PAPPA2: variants seen among roughly 807,000 people sequenced by gnomAD.
PAPPA2 encodes pappalysin-2.
Under a neutral mutation model 176.4 loss-of-function variants are expected in PAPPA2, and 86 were observed. The observed-to-expected ratio is 0.49, with a 90% CI of 0.41 to 0.58. PAPPA2 has a LOEUF of 0.58. Ranked by LOEUF, PAPPA2 falls within the 20% of genes least tolerant of loss-of-function variation. PAPPA2 has a pLI of 0.00. For missense variants in PAPPA2, 2,073 were observed against 2,256.9 expected, an observed-to-expected ratio of 0.92 and a Z score of 1.65; for synonymous variants, 809 against 852.2, an observed-to-expected ratio of 0.95 and a Z score of 0.88.
chr1:176,738,333 G>A (rs1035795714), intron 12 of PAPPA2, among the ~76,000 whole-genome samples: 8 of 152,062 alleles, frequency 5.3e-5, no homozygotes, highest in East Asian at 1.9e-4. Flanking sequence ...AAAGAAGGGA[G>A]AGCCGTGCTG....
intron 1 of PAPPA2, among the ~76,000 whole-genome samples, chr1:176,464,246 A>G (rs1651511860): frequency 6.6e-6 from 1 of 152,128 alleles, no homozygotes; most frequent in African/African-American, 2.4e-5. Context: ...TAAAAATTTA[A>G]CCTCTAGGAG....
chr1:176,487,936 G>A (rs1026620620), intron 1 of PAPPA2, among the ~76,000 whole-genome samples: 2 of 152,164 alleles, frequency 1.3e-5, no homozygotes, highest in Non-Finnish European at 2.9e-5. Flanking sequence ...AAACAACGAG[G>A]TTGATGTGGA....
intron 3 of PAPPA2, among the ~76,000 whole-genome samples, chr1:176,632,518 A>G (rs1656404712): frequency 6.6e-6 from 1 of 151,922 alleles, no homozygotes; most frequent in African/African-American, 2.4e-5. Flanking sequence ...GACAGAGAGA[A>G]ACTCCGTCTC....
intron 21 of PAPPA2, among the ~76,000 whole-genome samples, chr1:176,834,813 T>C (rs927652070): frequency 3.3e-5 from 5 of 152,024 alleles, no homozygotes; most frequent in African/African-American, 4.8e-5. Context: ...CTACTAGAAA[T>C]ACAAAAAATT....
At chr1:176,551,645 T>C (rs1010782595) in intron 1 of PAPPA2, among the ~76,000 whole-genome samples, 3 of 152,176 alleles carry the variant, frequency 2.0e-5, no homozygotes, top group African/African-American at 7.2e-5. Flanking sequence ...CCAGCCCCAC[T>C]ATGGGAGTAA....
intron 21 of PAPPA2, among the ~76,000 whole-genome samples, chr1:176,807,462 C>G (rs906777315): frequency 1.3e-5 from 2 of 151,682 alleles, no homozygotes; most frequent in East Asian, 3.9e-4. Context: ...TAAGAGCTAC[C>G]TGCCTGCCAA....
intron 17 of PAPPA2, among the ~76,000 whole-genome samples, chr1:176,773,096 C>T (rs1478048080): frequency 6.6e-6 from 1 of 152,136 alleles, no homozygotes; most frequent in Non-Finnish European, 1.5e-5. Flanking sequence ...TTTGTGGACA[C>T]AGCTTTTCTG....
chr1:176,652,663 G>A (rs1159321183), intron 3 of PAPPA2, among the ~76,000 whole-genome samples: 3 of 151,720 alleles, frequency 2.0e-5, no homozygotes, highest in Non-Finnish European at 3.0e-5. Context: ...GTCTCTGGCT[G>A]TTCTCAGGGA....
At chr1:176,630,496 C>T (rs1472232704) in intron 3 of PAPPA2, among the ~76,000 whole-genome samples, 1 of 152,032 alleles carries the variant, frequency 6.6e-6, no homozygotes, top group African/African-American at 2.4e-5. Context: ...TGGAGTGTGG[C>T]ACTGAAGATT....
chr1:176,682,175 T>C (rs1659616674), intron 4 of PAPPA2, among the ~76,000 whole-genome samples: 2 of 152,134 alleles, frequency 1.3e-5, no homozygotes, highest in Admixed American at 1.3e-4. Flanking sequence ...ATATAGTAAG[T>C]GGGAAGTCTT....
In PAPPA2 at chr1:176,690,183, C is replaced by G; in HGVS notation, c.2184C>G (p.Thr728=). ...CATATTATGGGATGCCTGGCCACACCGACACCATGATCCATGAAGTGGGAC... is the reference window on the plus strand; with the variant it reads ...CATATTATGGGATGCCTGGCCACACGGACACCATGATCCATGAAGTGGGAC... ...SPAYYGMPGH[T]DTMIHEVGHV... Residue 728 remains threonine (T), a synonymous_variant, in exon 5 of 23, where the codon ACC becomes ACG. Coordinates refer to ENST00000367662, the MANE Select transcript of PAPPA2 (RefSeq NM_020318.3). 1.2e-6 allele frequency: 2 copies of G among 1,613,922 alleles called. No individual in the cohort carries two copies. Among genetic ancestry groups the G allele is most frequent in the Middle Eastern group, 1.7e-4 (1 of 6,060 alleles).
intron 20 of PAPPA2, among the ~76,000 whole-genome samples, chr1:176,796,596 C>CTTT (rs1334889248): frequency 7.7e-6 from 1 of 129,162 alleles, no homozygotes; most frequent in Non-Finnish European, 1.7e-5. Context: ...CTTTCTTTCT[C>CTTT]TTTCTTTTCT....
At chr1:176,583,120 G>A (rs1184957469) in intron 2 of PAPPA2, among the ~76,000 whole-genome samples, 1 of 151,800 alleles carries the variant, frequency 6.6e-6, no homozygotes, top group Non-Finnish European at 1.5e-5. Flanking sequence ...ATTTATTTGG[G>A]CCTTTTTCTT....
intron 3 of PAPPA2, among the ~76,000 whole-genome samples, chr1:176,641,358 A>T (rs1413436976): frequency 1.3e-5 from 2 of 151,534 alleles, no homozygotes; most frequent in Non-Finnish European, 1.5e-5. Context: ...TCTTGAATTG[A>T]TTTTTGTATA....
chr1:176,827,890 T>C (rs1666919822), intron 21 of PAPPA2, among the ~76,000 whole-genome samples: 1 of 152,196 alleles, frequency 6.6e-6, no homozygotes, highest in Non-Finnish European at 1.5e-5. Context: ...TGGATAATTA[T>C]AAAAGAAAGT....
chr1:176,761,937 T>G lies in PAPPA2; in HGVS notation c.4152-3729T>G, dbSNP rs185195938. 1.2e-3 allele frequency among the ~76,000 whole-genome samples: 177 copies of G among 152,384 alleles called. 1 individual carries two copies. The highest frequency in any genetic ancestry group is 3.9e-3 in the African/African-American group (164 of 41,590). ...GAGAACTTTTAAGATGAATTACTTT[T>G]ACTACTTATGTAGTATTAGGTAGAA... On this transcript the variant is annotated intron_variant, in intron 14 of 22. Transcript: ENST00000367662.
chr1:176,664,107 T>C (rs777341716), intron 3 of PAPPA2, among the ~76,000 whole-genome samples: 2 of 152,216 alleles, frequency 1.3e-5, no homozygotes, highest in African/African-American at 4.8e-5. Flanking sequence ...TATGCTCTTT[T>C]ATTTTCCAGT....
At chr1:176,828,730 G>A (rs182361139) in intron 21 of PAPPA2, among the ~76,000 whole-genome samples, 12 of 152,206 alleles carry the variant, frequency 7.9e-5, no homozygotes, top group African/African-American at 1.7e-4. Context: ...AAGGCCGGGC[G>A]TGGTGGCTCA....
intron 11 of PAPPA2, 70 bp downstream of exon 11, chr1:176,710,246 T>G: frequency 7.3e-7 from 1 of 1,367,102 alleles, no homozygotes; most frequent in Non-Finnish European, 1.0e-6. Context: ...ATGCTTACAC[T>G]TGGGGTCTAT....
Sources: allele counts gnomAD v4.1 joint callset (sites outside exome capture counted in the v4.1 genomes callset), GRCh38; gene constraint gnomAD v4.1.1; transcripts MANE v1.5; gene names NCBI Gene and HGNC (gene_info 2026-07-23, HGNC 2026-07-21).